Variants in PTPRM observed in about 807,000 individuals in gnomAD.
PTPRM encodes protein tyrosine phosphatase receptor type M.
PTPRM carries 47 observed loss-of-function variants against 186.7 expected under a neutral mutation model. The ratio of observed to expected loss-of-function variants is 0.25; its 90% confidence interval spans 0.20 to 0.32. The LOEUF is 0.32. Among genes scored for constraint, PTPRM ranks in the 10% least tolerant of loss-of-function variants. The probability of loss-of-function intolerance (pLI) is 1.00; values close to 1 mark genes in which losing one functional copy is unlikely to be tolerated. For synonymous variants in PTPRM, 668 were observed against 674.9 expected (o/e 0.99, Z 0.16); for missense variants, 1,494 against 1,865.0 (o/e 0.80, Z 3.66).
rs1343394370 is a variant in PTPRM, at chr18:7,568,108, C to A, written c.73+217C>A. On this transcript the variant is annotated intron_variant, in intron 1 of 32. Coordinates refer to ENST00000580170, the MANE Select transcript of PTPRM (RefSeq NM_001105244.2). The surrounding 1 kb of genome is among the most constrained non-coding windows in gnomAD (Gnocchi z 5.1). ...TCCTCGGGCGGGCGGAGCGGACGGA[C>A]CCCGAGGGCGAGCTCCCCAGCCGGG... is the stretch of plus-strand genomic sequence containing the variant. Among the ~76,000 whole-genome samples the A allele has an allele frequency of 6.6e-6, 1 of 151,926 alleles. No homozygotes were observed. The highest frequency in any genetic ancestry group is 1.5e-5 in the Non-Finnish European group (1 of 67,942).
At chr18:7,934,995 G>A (rs2146895942) in intron 5 of PTPRM, among the ~76,000 whole-genome samples, 1 of 152,122 alleles carries the variant, frequency 6.6e-6, no homozygotes, top group African/African-American at 2.4e-5. Flanking sequence ...TATGCTTTTG[G>A]TCAACCTTTC....
intron 7 of PTPRM, among the ~76,000 whole-genome samples, chr18:7,982,297 T>A (rs1212621845): frequency 2.0e-5 from 3 of 151,408 alleles, no homozygotes; most frequent in Non-Finnish European, 4.4e-5. Context: ...TTTTTTTTTT[T>A]TTTTACTTTT....
intron 13 of PTPRM, among the ~76,000 whole-genome samples, chr18:8,119,171 A>G (rs2092078028): frequency 6.6e-6 from 1 of 152,166 alleles, no homozygotes; most frequent in Non-Finnish European, 1.5e-5. Flanking sequence ...ATGGAATGTG[A>G]ATATGGCTTA....
At chr18:8,389,400 A>T (rs933584682) in intron 31 of PTPRM, among the ~76,000 whole-genome samples, 1 of 152,232 alleles carries the variant, frequency 6.6e-6, no homozygotes, top group African/African-American at 2.4e-5. Context: ...TCCCAGAGGC[A>T]GCTGTGACCA....
intron 19 of PTPRM, among the ~76,000 whole-genome samples, chr18:8,258,355 G>C (rs1428100754): frequency 6.6e-6 from 1 of 152,056 alleles, no homozygotes; most frequent in East Asian, 1.9e-4. Flanking sequence ...CAGACTTCTG[G>C]GCCTTTCTCA....
At chr18:8,388,951 A>C (rs1250984787) in intron 31 of PTPRM, among the ~76,000 whole-genome samples, 1 of 151,684 alleles carries the variant, frequency 6.6e-6, no homozygotes, top group Non-Finnish European at 1.5e-5. Context: ...ACAGAGCGAG[A>C]CTCCATCTCA....
At chr18:7,652,110 C>T (rs1279978060) in intron 1 of PTPRM, among the ~76,000 whole-genome samples, 1 of 152,156 alleles carries the variant, frequency 6.6e-6, no homozygotes, top group East Asian at 1.9e-4. Context: ...ACACACTCTT[C>T]TCAAAAGAAG....
intron 14 of PTPRM, among the ~76,000 whole-genome samples, chr18:8,242,652 T>G (rs1306837777): frequency 2.0e-5 from 3 of 152,216 alleles, no homozygotes; most frequent in Non-Finnish European, 2.9e-5. Context: ...TTCTAACAGC[T>G]TTTAGCAATA....
intron 2 of PTPRM, among the ~76,000 whole-genome samples, chr18:7,838,289 G>GA (rs2145805719): frequency 6.6e-6 from 1 of 152,292 alleles, no homozygotes; most frequent in African/African-American, 2.4e-5. Context: ...ACTATCATGA[G>GA]AAAAGCAGGA....
At chr18:7,926,527 A>T in intron 4 of PTPRM, 41 bp from the exon 5 acceptor site, 3 of 1,435,222 alleles carry the variant, frequency 2.1e-6, no homozygotes, top group South Asian at 1.3e-5. Flanking sequence ...TTAGTTACAA[A>T]TCTCCACTTT....
chr18:8,226,203 G>T (rs1471732674), intron 14 of PTPRM, among the ~76,000 whole-genome samples: 1 of 152,004 alleles, frequency 6.6e-6, no homozygotes, highest in Non-Finnish European at 1.5e-5. Flanking sequence ...ATGCTTTTGA[G>T]ACTTCATTTT....
At chr18:7,978,603 TTC>T (rs1452890494) in intron 7 of PTPRM, among the ~76,000 whole-genome samples, 1 of 152,212 alleles carries the variant, frequency 6.6e-6, no homozygotes, top group African/African-American at 2.4e-5. Context: ...TGGTAACACT[TTC>T]TCTGTTTGAC....
intron 14 of PTPRM, among the ~76,000 whole-genome samples, chr18:8,176,006 A>G (rs2093475018): frequency 6.6e-6 from 1 of 152,218 alleles, no homozygotes; most frequent in Non-Finnish European, 1.5e-5. Flanking sequence ...AGAAAGCAGC[A>G]TTTTAAGAGT....
At chr18:8,161,518 A>G (rs1340390570) in intron 14 of PTPRM, among the ~76,000 whole-genome samples, 1 of 152,138 alleles carries the variant, frequency 6.6e-6, no homozygotes, top group Non-Finnish European at 1.5e-5. Context: ...CCCTGAGGGA[A>G]GGGAGAAATC....
chr18:7,714,411 A>G (rs2040278854), intron 1 of PTPRM, among the ~76,000 whole-genome samples: 1 of 152,216 alleles, frequency 6.6e-6, no homozygotes, highest in Admixed American at 6.5e-5. Flanking sequence ...CACAAGAGAA[A>G]GCAGGAAAGA....
chr18:8,126,691 C>T (rs2145885686), intron 13 of PTPRM, among the ~76,000 whole-genome samples: 1 of 152,246 alleles, frequency 6.6e-6, no homozygotes, highest in East Asian at 1.9e-4. Flanking sequence ...ACCCAAGGTT[C>T]TCTATTTGTA....
At chr18:7,882,607 T>C (rs2048566839) in intron 2 of PTPRM, among the ~76,000 whole-genome samples, 1 of 152,210 alleles carries the variant, frequency 6.6e-6, no homozygotes, top group Non-Finnish European at 1.5e-5. Flanking sequence ...ATTAAGAAGT[T>C]TAAAAAGTGA....
intron 23 of PTPRM, 22 bp from the exon 24 acceptor site, chr18:8,370,868 A>C: frequency 6.7e-7 from 1 of 1,489,614 alleles, no homozygotes; most frequent in Non-Finnish European, 9.2e-7. Flanking sequence ...TAAACCCATA[A>C]TTTCTTTTAT....
chr18:7,726,476 C>G (rs919703197), intron 1 of PTPRM, among the ~76,000 whole-genome samples: 1 of 152,060 alleles, frequency 6.6e-6, no homozygotes, highest in African/African-American at 2.4e-5. Flanking sequence ...TTTTTAAGCT[C>G]TCATAGAAGG....
Sources: gnomAD v4.1 joint callset for allele counts (sites outside exome capture counted in the v4.1 genomes callset) on GRCh38, gnomAD v4.1.1 for gene constraint, Gnocchi (gnomAD v3.1) non-coding constraint, MANE v1.5 for transcripts, NCBI Gene and HGNC (gene_info 2026-07-23, HGNC 2026-07-21) for gene names.